CNTNAP5: variants seen among roughly 807,000 people sequenced by gnomAD.
CNTNAP5 encodes contactin associated protein family member 5.
CNTNAP5 carries 72 observed loss-of-function variants against 150.2 expected under a neutral mutation model. That is an observed-to-expected ratio of 0.48 (90% CI 0.40 to 0.58). The LOEUF is 0.58. CNTNAP5 is among the 20% of genes least tolerant of loss of function. CNTNAP5 has a pLI of 0.00. For synonymous variants in CNTNAP5, 672 were observed against 619.8 expected (o/e 1.08, Z -1.25); for missense variants, 1,636 against 1,626.2 (o/e 1.01, Z -0.10).
At chr2:124,847,375 G>T (rs1683071081) in intron 19 of CNTNAP5, among the ~76,000 whole-genome samples, 1 of 152,110 alleles carries the variant, frequency 6.6e-6, no homozygotes, top group Admixed American at 6.5e-5. Flanking sequence ...AATCATACAG[G>T]TCACCAGGGA....
chr2:124,789,392 A>AT lies in CNTNAP5; in HGVS notation c.2753-503dup, dbSNP rs937711250. Among the ~76,000 whole-genome samples the AT allele has an allele frequency of 9.5e-4, 145 of 152,164 alleles. 1 individual carries two copies. Among genetic ancestry groups the AT allele is most frequent in the African/African-American group, 3.3e-3 (136 of 41,504 alleles). On this transcript the variant is annotated intron_variant, in intron 17 of 23. Coordinates refer to ENST00000682447, the MANE Select transcript of CNTNAP5 (RefSeq NM_001367498.1). ...GGGTTCCCAGCCTAGAAGGACATGTATTTTTTTCTTAACTAACTTTTATTT... is the reference window on the plus strand; with the variant it reads ...GGGTTCCCAGCCTAGAAGGACATGTATTTTTTTTCTTAACTAACTTTTATTT...
intron 3 of CNTNAP5, among the ~76,000 whole-genome samples, chr2:124,353,286 C>CAAAAAAAAAAA (rs565907115): frequency 2.3e-5 from 2 of 88,276 alleles, no homozygotes; most frequent in African/African-American, 4.3e-5. Flanking sequence ...AAAAACAGAC[C>CAAAAAAAAAAA]AAAAAAAAAA....
chr2:124,253,827 C>T (rs1211211507), intron 3 of CNTNAP5, among the ~76,000 whole-genome samples: 2 of 151,844 alleles, frequency 1.3e-5, no homozygotes, highest in African/African-American at 4.8e-5. Flanking sequence ...CAACCTGTAA[C>T]TGTACTCCAT....
chr2:124,156,179 A>G (rs542929831), intron 1 of CNTNAP5, among the ~76,000 whole-genome samples: 1 of 152,370 alleles, frequency 6.6e-6, no homozygotes, highest in African/African-American at 2.4e-5. Context: ...CTCTGAAAGA[A>G]TCTTAAAGAG....
At chr2:124,412,107 CAT>C (rs1201353223) in intron 3 of CNTNAP5, among the ~76,000 whole-genome samples, 1 of 126,192 alleles carries the variant, frequency 7.9e-6, no homozygotes, top group African/African-American at 2.7e-5. Context: ...AGAGCCAAAT[CAT>C]GAGTGAACTC....
intron 1 of CNTNAP5, among the ~76,000 whole-genome samples, chr2:124,069,037 T>C (rs1271611506): frequency 1.3e-5 from 2 of 152,086 alleles, no homozygotes; most frequent in Non-Finnish European, 2.9e-5. Context: ...AGTGGGATCT[T>C]GGGGTACCCA....
At chr2:124,574,023 A>T (rs144782947) in intron 11 of CNTNAP5, among the ~76,000 whole-genome samples, 7 of 152,338 alleles carry the variant, frequency 4.6e-5, no homozygotes, top group South Asian at 4.1e-4. Flanking sequence ...CATATAAGAG[A>T]CATCCTTTCT....
chr2:124,566,421 C>G (rs567250457), intron 11 of CNTNAP5, among the ~76,000 whole-genome samples: 1 of 152,060 alleles, frequency 6.6e-6, no homozygotes, highest in South Asian at 2.1e-4. Flanking sequence ...TAGAAGATGT[C>G]GAGCTTTAAA....
chr2:124,493,629 G>C (rs571790891), intron 7 of CNTNAP5, among the ~76,000 whole-genome samples: 2 of 152,006 alleles, frequency 1.3e-5, no homozygotes, highest in South Asian at 4.2e-4. Flanking sequence ...GTGAGCCACC[G>C]CATCCTGCCT....
chr2:124,380,545 TACATATCATGTACTTTAGC>T (rs905297038), intron 3 of CNTNAP5, among the ~76,000 whole-genome samples: 1 of 152,344 alleles, frequency 6.6e-6, no homozygotes. Context: ...GCACTTGCCA[TACATATCATGTACTTTAGC>T]ACATATCATG....
chr2:124,589,672 G>T (rs571565271), intron 11 of CNTNAP5, among the ~76,000 whole-genome samples: 2 of 152,118 alleles, frequency 1.3e-5, no homozygotes, highest in African/African-American at 4.8e-5. Context: ...AATATCTTAC[G>T]TATTTATGGC....
At chr2:124,181,429 G>A (rs10167069) in intron 1 of CNTNAP5, among the ~76,000 whole-genome samples, 53,010 of 151,300 alleles carry the variant, frequency 0.35, 9,379 homozygotes, top group East Asian at 0.46. Context: ...TTACCTATGT[G>A]CAAATAACCC....
chr2:124,851,693 G>T (rs147586460), intron 19 of CNTNAP5, among the ~76,000 whole-genome samples: 2 of 152,294 alleles, frequency 1.3e-5, no homozygotes, highest in East Asian at 3.9e-4. Flanking sequence ...TGAGAGTGAG[G>T]AAGGAGAAGG....
chr2:124,440,158 A>G (rs543111967), intron 5 of CNTNAP5, among the ~76,000 whole-genome samples: 214 of 152,244 alleles, frequency 1.4e-3, no homozygotes, highest in African/African-American at 5.0e-3. Context: ...TTATAACAAC[A>G]TATGTGAAGT....
In CNTNAP5 at chr2:124,339,102, A is replaced by T. The variant is rs565029178; in HGVS notation, c.382-78341A>T. On this transcript the variant is annotated intron_variant, in intron 3 of 23. Coordinates refer to ENST00000682447, the MANE Select transcript of CNTNAP5 (RefSeq NM_001367498.1). The stretch of plus-strand genomic sequence containing the variant: ...TATGTTTTCTCAGTTTCATTCAATC[A>T]CACTGTAACTTTGAGAGGTAAATTT... Among the ~76,000 whole-genome samples the T allele has an allele frequency of 3.9e-5, 6 of 152,292 alleles. No homozygotes were observed. In the South Asian group the frequency reaches 1.2e-3, roughly 32 times the overall value.
chr2:124,328,822 G>C (rs1044423946), intron 3 of CNTNAP5, among the ~76,000 whole-genome samples: 2 of 152,142 alleles, frequency 1.3e-5, no homozygotes, highest in Admixed American at 1.3e-4. Flanking sequence ...GATGGTTGTA[G>C]AAACTGCTGG....
At chr2:124,425,704 G>A (rs2104786248) in intron 4 of CNTNAP5, among the ~76,000 whole-genome samples, 1 of 152,154 alleles carries the variant, frequency 6.6e-6, no homozygotes, top group Non-Finnish European at 1.5e-5. Context: ...GTAATAAGTT[G>A]TAGGGATCAC....
chr2:124,484,043 C>A (rs1693815741), intron 7 of CNTNAP5, among the ~76,000 whole-genome samples: 1 of 152,248 alleles, frequency 6.6e-6, no homozygotes, highest in African/African-American at 2.4e-5. Flanking sequence ...TCTTTCACCA[C>A]AACTCCAGCC....
At chr2:124,509,863 C>T (rs568099242) in intron 8 of CNTNAP5, among the ~76,000 whole-genome samples, 1 of 152,130 alleles carries the variant, frequency 6.6e-6, no homozygotes, top group Non-Finnish European at 1.5e-5. Flanking sequence ...TTGGATAAGA[C>T]CTTGGGATTC....
Sources: allele counts gnomAD v4.1 joint callset (sites outside exome capture counted in the v4.1 genomes callset), GRCh38; gene constraint gnomAD v4.1.1; transcripts MANE v1.5; gene names NCBI Gene and HGNC (gene_info 2026-07-23, HGNC 2026-07-21).